Variants in TSPO2 observed in about 807,000 individuals in gnomAD.
TSPO2 encodes the protein benzodiazapine receptor (peripheral)-like 1.
A neutral mutation model predicts 13.3 loss-of-function variants in TSPO2; 15 were observed. The observed-to-expected ratio is 1.13, with a 90% confidence interval of 0.75 to 1.73. The LOEUF is 1.73. TSPO2 is among the 40% of genes most tolerant of loss of function. The probability of loss-of-function intolerance (pLI) is 0.00; values close to 1 mark genes in which losing one functional copy is unlikely to be tolerated. For synonymous variants in TSPO2, 81 were observed against 91.6 expected (o/e 0.88, Z 0.66); for missense variants, 202 against 198.3 (o/e 1.02, Z -0.11).
chr6:41,042,896 G>C, intron 1 of TSPO2, 70 bp from the exon 2 acceptor site: 1 of 1,508,180 alleles, frequency 6.6e-7, no homozygotes, highest in Non-Finnish European at 9.2e-7. Flanking sequence ...AATGAGTCAG[G>C]TTAGGAGGCA....
chr6:41,043,445 C>A, intron 2 of TSPO2, 112 bp from the exon 3 acceptor site: 2 of 1,379,168 alleles, frequency 1.5e-6, no homozygotes, highest in Non-Finnish European at 2.0e-6. Flanking sequence ...CTAAACCCAT[C>A]TGCCCCCATT....
upstream of TSPO2, among the ~76,000 whole-genome samples, chr6:41,042,344 G>C (rs1273121058): frequency 2.0e-5 from 3 of 152,190 alleles, no homozygotes; most frequent in Admixed American, 6.5e-5. Flanking sequence ...GGGTAGAAGA[G>C]AGCTAAAAGT....
At position 41,043,992 on chromosome 6, in the gene TSPO2, T is replaced by C. The variant is rs778302788; in HGVS notation, c.368T>C (p.Ile123Thr). The change falls in exon 4 of 4, where the codon ATC becomes ACC. Residue 123 changes from isoleucine (I) to threonine (T), a missense_variant. Ile to Thr is a moderately conservative substitution (Grantham distance 89). Coordinates refer to ENST00000373161, the MANE Select transcript of TSPO2 (RefSeq NM_001010873.3). The part of the protein sequence containing the change: ...LYGLVVSTAL[I>T]WHPINKLAAL... ...GGGCTGGTGGTGAGCACAGCACTGA[T>C]CTGGCATCCCATCAACAAACTGGCT... 6.2e-7 allele frequency: 1 copy of C among 1,614,122 alleles called. No individual in the cohort carries two copies.
chr6:41,042,607 C>G lies in TSPO2; in HGVS notation c.-192C>G, dbSNP rs778197233. ...AGGGCCAGCTACATACCTGGCTAAG[C>G]GCTGCCCACTGCAGAAAAGCTCATC... On this transcript the variant is annotated 5_prime_UTR_variant, in exon 1 of 4. Coordinates refer to ENST00000373161, the MANE Select transcript of TSPO2 (RefSeq NM_001010873.3). 1 of 446,458 alleles carries G rather than the reference C, an allele frequency of 2.2e-6. No homozygotes were observed. The highest frequency in any genetic ancestry group is 2.0e-5 in the African/African-American group (1 of 50,384). 27.7% of individuals were successfully genotyped at this position (446,458 alleles called of 1,614,324 possible).
rs867315685 is a variant in TSPO2 at position 41,044,227 on chromosome 6, A to G, written c.*90A>G. On this transcript the variant is annotated 3_prime_UTR_variant, in exon 4 of 4. Coordinates refer to ENST00000373161, the MANE Select transcript of TSPO2 (RefSeq NM_001010873.3). ...TGGAGTTAGGGTTCACCCCAATGGGACCACCCTCCTGGGTCCCCTGGTGCC... is the reference window on the plus strand; with the variant it reads ...TGGAGTTAGGGTTCACCCCAATGGGGCCACCCTCCTGGGTCCCCTGGTGCC... The G allele has an allele frequency of 3.4e-5, 47 of 1,395,296 alleles. No homozygotes were observed. The Middle Eastern group carries it at 1.3e-3, about 39-fold the overall frequency. 86.4% of individuals were successfully genotyped at this position (1,395,296 alleles called of 1,614,324 possible). A position where few individuals can be genotyped will look rare whatever the true frequency, so the allele number is the denominator to read the frequency against.
chr6:41,041,404 C>T (rs374447488), upstream of TSPO2, among the ~76,000 whole-genome samples: 16 of 152,184 alleles, frequency 1.1e-4, no homozygotes, highest in East Asian at 7.7e-4. Context: ...TCAGGCCCCC[C>T]GCCTGGGAGG....
At position 41,043,026 on chromosome 6, in the gene TSPO2, T is replaced by C. The variant is rs922288765; in HGVS notation, c.41T>C (p.Leu14Pro). The C allele has an allele frequency of 1.9e-6, 3 of 1,614,174 alleles. No homozygotes were observed. The highest frequency in any genetic ancestry group is 2.2e-5 in the East Asian group (1 of 44,864). The change falls in exon 2 of 4, where the codon CTG (leucine) becomes CCG (proline). Residue 14 changes from leucine to proline, a missense_variant. Physicochemically the swap from Leu to Pro is moderately conservative, Grantham distance 98 (BLOSUM62 -3). Coordinates refer to ENST00000373161, the MANE Select transcript of TSPO2 (RefSeq NM_001010873.3). ...QGAIFVLLPH[L>P]GPILVWLFTR... The stretch of plus-strand genomic sequence containing the variant: ...GCTATCTTTGTGCTCCTGCCCCACC[T>C]GGGGCCCATCCTGGTCTGGCTGTTC...
rs867135713 is a variant in TSPO2, at chr6:41,044,124, A to G, written c.500A>G (p.Glu167Gly). The stretch of plus-strand genomic sequence containing the variant: ...CCAGTGCACCAGCCTCAGCCCACGG[A>G]GAAGAGTGACTGAGGCCCTAGGGCA... Reference protein sequence around the residue: ...LCPVHQPQPTEKSD With the variant: ...LCPVHQPQPTGKSD The change falls in exon 4 of 4, where the codon GAG becomes GGG. Residue 167 changes from glutamate (E) to glycine (G), a missense_variant. Glu to Gly is a moderately conservative substitution (Grantham distance 98, BLOSUM62 -2). Coordinates refer to ENST00000373161, the MANE Select transcript of TSPO2 (RefSeq NM_001010873.3). 37 of 1,614,092 alleles carry G rather than the reference A, an allele frequency of 2.3e-5. 1 individual carries two copies. In the Middle Eastern group the frequency reaches 4.3e-3, roughly 187 times the overall value.
chr6:41,044,070 C>T lies in TSPO2; in HGVS notation c.446C>T (p.Thr149Ile). The T allele has an allele frequency of 6.2e-7, 1 of 1,614,212 alleles. No individual in the cohort carries two copies. The highest frequency in any genetic ancestry group is 8.5e-7 in the Non-Finnish European group (1 of 1,180,032). ...LAWLTVTSAL[T>I]YHLWRDSLCP... ...TGGCTCACCGTGACTTCAGCCCTCACCTACCACCTGTGGAGGGACAGCCTT... is the reference window on the plus strand; with the variant it reads ...TGGCTCACCGTGACTTCAGCCCTCATCTACCACCTGTGGAGGGACAGCCTT... The change falls in exon 4 of 4, where the codon ACC becomes ATC. Residue 149 changes from threonine to isoleucine, a missense_variant. Transcript: ENST00000373161.
Position 41,044,337 on chromosome 6 carries a change from A to G in TSPO2, c.*200A>G. Reference sequence around the variant, plus strand: ...AATAAAATCCTATTAGTAACTCTGAAGGTATGATGTGAAGTGTGTATTTGA... The same window carrying G: ...AATAAAATCCTATTAGTAACTCTGAGGGTATGATGTGAAGTGTGTATTTGA... On this transcript the variant is annotated 3_prime_UTR_variant, in exon 4 of 4. Coordinates refer to ENST00000373161, the MANE Select transcript of TSPO2 (RefSeq NM_001010873.3). 1.7e-6 allele frequency: 1 copy of G among 598,678 alleles called. No homozygotes were observed. The highest frequency in any genetic ancestry group is 3.0e-6 in the Non-Finnish European group (1 of 337,344). The allele number at this position is 598,678 out of a possible 1,614,324, so 37.1% of individuals were successfully genotyped here.
At chr6:41,042,152 T>C (rs1301042579), upstream of TSPO2, among the ~76,000 whole-genome samples, 3 of 152,194 alleles carry the variant, frequency 2.0e-5, no homozygotes, top group Non-Finnish European at 4.4e-5. Context: ...GGAGGGTCTG[T>C]ACATTGTCCC....
chr6:41,041,702 A>G (rs2281255), upstream of TSPO2, among the ~76,000 whole-genome samples: 34,208 of 152,148 alleles, frequency 0.22, 3,921 homozygotes, highest in South Asian at 0.31. Flanking sequence ...AGGGCCAGGC[A>G]CAGTGGCTCA....
Position 41,043,038 on chromosome 6 carries a change from T to C in TSPO2, c.53T>C (p.Leu18Pro). Residue 18 changes from leucine (L) to proline (P), a missense_variant, in exon 2 of 4, where the codon CTG (leucine) becomes CCG (proline). Physicochemically the swap from Leu to Pro is moderately conservative, Grantham distance 98. Transcript: ENST00000373161. ...FVLLPHLGPI[L>P]VWLFTRDHMS... ...CTCCTGCCCCACCTGGGGCCCATCC[T>C]GGTCTGGCTGTTCACTCGTGATCAC... 6.2e-7 allele frequency: 1 copy of C among 1,614,172 alleles called. No homozygotes were observed. Among genetic ancestry groups the C allele is most frequent in the South Asian group, 1.1e-5 (1 of 91,082 alleles).
Position 41,043,667 on chromosome 6 carries a change from T to C in TSPO2, c.284T>C (p.Val95Ala). 1 of 1,611,686 alleles carries C rather than the reference T, an allele frequency of 6.2e-7. No homozygotes were observed. The highest frequency in any genetic ancestry group is 1.1e-5 in the South Asian group (1 of 90,822). Residue 95 changes from valine to alanine, a missense_variant, in exon 3 of 4, where the codon GTT (valine) becomes GCT (alanine). By Grantham distance (64) the Val-to-Ala change is moderately conservative. Transcript: ENST00000373161. ...VQLTISWTVL[V>A]LFFTVHNPGL... is the part of the protein sequence containing the mutation. ...CTCACCATCAGCTGGACTGTCCTGG[T>C]TCTCTTTTTCACAGTCCACAACCCT...
chr6:41,042,924 G>A (rs565388032), intron 1 of TSPO2, 42 bp from the exon 2 acceptor site: 40 of 1,588,970 alleles, frequency 2.5e-5, no homozygotes, highest in Non-Finnish European at 3.4e-5. Flanking sequence ...ACGAGGAGCC[G>A]CAGGGGAAGG....
At position 41,044,277 on chromosome 6, in the gene TSPO2, T is replaced by G; in HGVS notation, c.*140T>G. 1.3e-6 allele frequency: 1 copy of G among 749,856 alleles called. No homozygotes were observed. 46.5% of individuals were successfully genotyped at this position (749,856 alleles called of 1,614,324 possible). On this transcript the variant is annotated 3_prime_UTR_variant, in exon 4 of 4. Transcript: ENST00000373161. ...CGTTTTTCCTTAGAAATCAGAGAAA[T>G]GGGAAAGGGGGGGAAACTGATTTTA... is the stretch of plus-strand genomic sequence containing the variant.
chr6:41,043,430 G>A (rs1432145113), intron 2 of TSPO2, 127 bp from the exon 3 acceptor site: 2 of 1,269,022 alleles, frequency 1.6e-6, no homozygotes, highest in Non-Finnish European at 2.2e-6. Flanking sequence ...GCCCTTACAT[G>A]ATGCCTAAAC....
At position 41,043,566 on chromosome 6, in the gene TSPO2, C is replaced by T; in HGVS notation, c.183C>T (p.Ser61=). The change falls in exon 3 of 4, where the codon TCC becomes TCT. Residue 61 remains serine, a synonymous_variant. Coordinates refer to ENST00000373161, the MANE Select transcript of TSPO2 (RefSeq NM_001010873.3). ...TAIYSVVGYA[S]YLVWKDLGGG... ...CACCATGTCTCCACAGCTATGCCTC[C>T]TACCTGGTGTGGAAGGACCTGGGAG... 6.3e-7 allele frequency: 1 copy of T among 1,594,984 alleles called. No homozygotes were observed.
intron 2 of TSPO2, 48 bp downstream of exon 2, chr6:41,043,206 A>T (rs749712536): frequency 4.5e-6 from 7 of 1,564,364 alleles, no homozygotes; most frequent in African/African-American, 1.4e-5. Context: ...ATGGGGTGGG[A>T]ACAAGTCCTC....
Sources: allele counts gnomAD v4.1 joint callset (sites outside exome capture counted in the v4.1 genomes callset), GRCh38; gene constraint gnomAD v4.1.1; transcripts MANE v1.5; gene names NCBI Gene and HGNC (gene_info 2026-07-23, HGNC 2026-07-21).